The following DPH6 variants were observed in gnomAD, a reference collection of about 807,000 sequenced individuals.
DPH6 encodes the protein diphthamine biosynthesis 6, also known as diphthine--ammonia ligase.
Under a neutral mutation model 38.2 loss-of-function variants are expected in DPH6, and 33 were observed. That is an observed-to-expected ratio of 0.86 (90% CI 0.65 to 1.15). The LOEUF (loss-of-function observed/expected upper bound fraction) is 1.15. Ranked by LOEUF, DPH6 falls within the 50% of genes most tolerant of loss-of-function variation. The probability of loss-of-function intolerance (pLI) is 0.00; values close to 1 mark genes in which losing one functional copy is unlikely to be tolerated. For missense variants in DPH6, 325 were observed against 320.0 expected, an observed-to-expected ratio of 1.02 and a Z score of -0.12; for synonymous variants, 108 against 103.0, an observed-to-expected ratio of 1.05 and a Z score of -0.30.
intron 3 of DPH6, among the ~76,000 whole-genome samples, chr15:35,258,068 T>C (rs1486122526): frequency 6.6e-6 from 1 of 152,172 alleles, no homozygotes; most frequent in East Asian, 1.9e-4. Flanking sequence ...TCCATTCTTT[T>C]TACCATAGCA....
chr15:35,315,717 T>C (rs1595474682), intron 3 of DPH6, among the ~76,000 whole-genome samples: 1 of 152,202 alleles, frequency 6.6e-6, no homozygotes, highest in Non-Finnish European at 1.5e-5. Context: ...GAAATCAATA[T>C]GTTAAAGAGC....
intron 3 of DPH6, among the ~76,000 whole-genome samples, chr15:35,482,213 T>C (rs1485124982): frequency 6.6e-6 from 1 of 152,234 alleles, no homozygotes; most frequent in Non-Finnish European, 1.5e-5. Flanking sequence ...GTGACTCATC[T>C]AGCCTGAGGC....
chr15:35,509,569 T>C (rs1317557840), intron 3 of DPH6, among the ~76,000 whole-genome samples: 1 of 152,202 alleles, frequency 6.6e-6, no homozygotes, highest in African/African-American at 2.4e-5. Flanking sequence ...TACTGTATTA[T>C]GGCAAAACAT....
chr15:35,211,714 C>A, the DPH6 span, among the ~76,000 whole-genome samples: 3 of 152,128 alleles, frequency 2.0e-5, no homozygotes, highest in Non-Finnish European at 4.4e-5. Context: ...CCAGCCAGCT[C>A]CCAAGTGGCA....
intron 3 of DPH6, among the ~76,000 whole-genome samples, chr15:35,355,229 C>T (rs1442223674): frequency 6.6e-6 from 1 of 152,110 alleles, no homozygotes; most frequent in Non-Finnish European, 1.5e-5. Flanking sequence ...TGGGTCTTGA[C>T]TCTTTATCCA....
At chr15:35,239,834 T>G (rs867736016) in intron 3 of DPH6, among the ~76,000 whole-genome samples, 3 of 141,926 alleles carry the variant, frequency 2.1e-5, no homozygotes, top group African/African-American at 7.6e-5. Context: ...CAACCTCTTA[T>G]CTCTGTGCCC....
chr15:35,473,496 A>T (rs1275197434), intron 3 of DPH6, among the ~76,000 whole-genome samples: 1 of 150,260 alleles, frequency 6.7e-6, no homozygotes, highest in Non-Finnish European at 1.5e-5. Flanking sequence ...TTATCTCAAT[A>T]ATTTTAAAAA....
At chr15:35,503,976 T>C (rs976765391) in intron 3 of DPH6, among the ~76,000 whole-genome samples, 2 of 152,146 alleles carry the variant, frequency 1.3e-5, no homozygotes, top group African/African-American at 4.8e-5. Context: ...AATTATATGC[T>C]GATGATCTCT....
chr15:35,228,905 A>C (rs1435569223), intron 3 of DPH6, among the ~76,000 whole-genome samples: 1 of 152,176 alleles, frequency 6.6e-6, no homozygotes, highest in Non-Finnish European at 1.5e-5. Flanking sequence ...TTTCCCTGAA[A>C]GTCTGCTCCA....
chr15:35,425,373 G>C (rs2053555805), intron 5 of DPH6, among the ~76,000 whole-genome samples: 1 of 151,482 alleles, frequency 6.6e-6, no homozygotes, highest in African/African-American at 2.4e-5. Flanking sequence ...TATCATGAAA[G>C]CTATTATAGT....
chr15:35,460,903 TAAAA>T (rs549293460), intron 3 of DPH6, among the ~76,000 whole-genome samples: 2 of 114,774 alleles, frequency 1.7e-5, no homozygotes, highest in African/African-American at 6.7e-5. Flanking sequence ...CACAAACTGG[TAAAA>T]AAAAAAAAAA....
At position 35,235,280 on chromosome 15, in the gene DPH6, G is replaced by A. The variant is rs530325737; in HGVS notation, n.201-14698C>T. Among the ~76,000 whole-genome samples the A allele has an allele frequency of 1.1e-4, 17 of 152,300 alleles. No individual in the cohort carries two copies. In the South Asian group the frequency reaches 3.3e-3, roughly 30 times the overall value. ...TTTCCTTGGTTTGGACAACCTTGTG[G>A]TATAAAGTATATTCCAGAGTTCCCA... is the stretch of plus-strand genomic sequence containing the variant. On this transcript the variant is annotated intron_variant and non_coding_transcript_variant, in intron 3 of 3. Transcript: ENST00000560386.
intron 3 of DPH6, among the ~76,000 whole-genome samples, chr15:35,223,328 T>C (rs951747772): frequency 2.0e-5 from 3 of 152,148 alleles, no homozygotes; most frequent in Admixed American, 6.5e-5. Context: ...CATTTGTCCA[T>C]TGATGAGGGT....
intron 3 of DPH6, among the ~76,000 whole-genome samples, chr15:35,537,144 C>G (rs979433018): frequency 6.6e-6 from 1 of 151,960 alleles, no homozygotes; most frequent in African/African-American, 2.4e-5. Flanking sequence ...AAATCAAAAT[C>G]CTTAATTAAC....
chr15:35,246,121 C>T (rs1262103788), intron 3 of DPH6, among the ~76,000 whole-genome samples: 1 of 152,144 alleles, frequency 6.6e-6, no homozygotes, highest in Non-Finnish European at 1.5e-5. Context: ...CTACCCAAAT[C>T]CTATAAAACG....
chr15:35,223,291 A>G (rs1347787947), intron 3 of DPH6, among the ~76,000 whole-genome samples: 1 of 152,188 alleles, frequency 6.6e-6, no homozygotes, highest in African/African-American at 2.4e-5. Context: ...TACTCTCCTG[A>G]TAGTGAACTC....
chr15:35,312,331 CCA>C (rs1258464828), intron 3 of DPH6, among the ~76,000 whole-genome samples: 1 of 152,138 alleles, frequency 6.6e-6, no homozygotes, highest in Non-Finnish European at 1.5e-5. Flanking sequence ...CAAGGTTTTT[CCA>C]CAGTCTCACA....
intron 6 of DPH6, chr15:35,401,183 G>A: frequency 8.5e-7 from 1 of 1,181,112 alleles, no homozygotes; most frequent in Non-Finnish European, 1.2e-6. Context: ...TGTGAAGTTA[G>A]GAAAGCCCTG....
At chr15:35,517,369 T>A (rs1013673955) in intron 3 of DPH6, among the ~76,000 whole-genome samples, 1 of 152,174 alleles carries the variant, frequency 6.6e-6, no homozygotes, top group African/African-American at 2.4e-5. Context: ...TCTACATTTA[T>A]CACTATTTTA....
Sources: allele counts gnomAD v4.1 joint callset (sites outside exome capture counted in the v4.1 genomes callset), GRCh38; gene constraint gnomAD v4.1.1; transcripts MANE v1.5; gene names NCBI Gene and HGNC (gene_info 2026-07-23, HGNC 2026-07-21).